The following HECW2 variants were observed in gnomAD, a reference collection of about 807,000 sequenced individuals.
HECW2 encodes E3 ubiquitin-protein ligase HECW2.
In HECW2, 61 loss-of-function variants were observed where a neutral mutation model predicts 175.2. The observed-to-expected ratio is 0.35, with a 90% CI of 0.28 to 0.43. HECW2 has a LOEUF of 0.43. Among genes scored for constraint, HECW2 ranks in the 20% least tolerant of loss-of-function variants. The pLI, the probability that HECW2 is intolerant of heterozygous loss-of-function variation, is 1.00. For synonymous variants in HECW2, 671 were observed against 731.0 expected (o/e 0.92, Z 1.32); for missense variants, 1,524 against 2,000.5 (o/e 0.76, Z 4.54).
At chr2:196,313,216 T>C (rs568543483) in intron 10 of HECW2, among the ~76,000 whole-genome samples, 8 of 152,190 alleles carry the variant, frequency 5.3e-5, no homozygotes, top group African/African-American at 1.9e-4. Flanking sequence ...AAAAAGAAAA[T>C]AGTTTTTCAG....
In HECW2 at chr2:196,373,293, T is replaced by A. The variant is rs868631767; in HGVS notation, c.293-29529A>T. ...CTTTGTTTGTAATTCAAGTAACATCTTTGGAGAAAAAGAATTGCCTGTTTT... is the reference window on the plus strand; with the variant it reads ...CTTTGTTTGTAATTCAAGTAACATCATTGGAGAAAAAGAATTGCCTGTTTT... On this transcript the variant is annotated intron_variant, in intron 2 of 28. Coordinates refer to ENST00000644978, the MANE Select transcript of HECW2 (RefSeq NM_001348768.2). 4.6e-5 allele frequency among the ~76,000 whole-genome samples: 7 copies of A among 152,354 alleles called. No homozygotes were observed. The South Asian group carries it at 1.5e-3, about 32-fold the overall frequency.
intron 4 of HECW2, among the ~76,000 whole-genome samples, chr2:196,332,274 G>GT (rs1303288433): frequency 6.6e-6 from 1 of 152,176 alleles, no homozygotes; most frequent in Admixed American, 6.5e-5. Flanking sequence ...TATCAAGGAT[G>GT]TTAATCAGTC....
chr2:196,314,575 C>CA (rs1211077837), intron 10 of HECW2, among the ~76,000 whole-genome samples: 1 of 152,140 alleles, frequency 6.6e-6, no homozygotes, highest in Admixed American at 6.5e-5. Context: ...TCAGTTTCTG[C>CA]AACTATAAAA....
At chr2:196,329,027 A>T (rs1292694719) in intron 5 of HECW2, among the ~76,000 whole-genome samples, 1 of 152,142 alleles carries the variant, frequency 6.6e-6, no homozygotes, top group Non-Finnish European at 1.5e-5. Flanking sequence ...ACTGATTTTA[A>T]CTAAATCAAA....
intron 15 of HECW2, among the ~76,000 whole-genome samples, chr2:196,275,657 C>G (rs899769939): frequency 6.6e-6 from 1 of 151,748 alleles, no homozygotes; most frequent in African/African-American, 2.4e-5. Flanking sequence ...GAGGCTGAGG[C>G]AGGAGAATCT....
At position 196,519,138 on chromosome 2, in the gene HECW2, T is replaced by C. The variant is rs140364978; in HGVS notation, c.-36+74370A>G. On this transcript the variant is annotated intron_variant, in intron 1 of 28. Transcript: ENST00000644978. ...TCACCTTCAGCTCTCTGAGGAGGTA[T>C]TTATCACTACCTCCATGCTATAGGT... Among the ~76,000 whole-genome samples, 11 of 152,320 alleles carry C rather than the reference T, an allele frequency of 7.2e-5. No homozygotes were observed. In the East Asian group the frequency reaches 2.1e-3, roughly 29 times the overall value.
At chr2:196,423,873 T>C (rs955142556) in intron 2 of HECW2, among the ~76,000 whole-genome samples, 7 of 152,186 alleles carry the variant, frequency 4.6e-5, no homozygotes, top group East Asian at 1.9e-4. Context: ...ATAAGTGGGA[T>C]TGCTGGGTCA....
At chr2:196,258,291 G>T (rs969452875) in intron 17 of HECW2, among the ~76,000 whole-genome samples, 1 of 152,178 alleles carries the variant, frequency 6.6e-6, no homozygotes, top group African/African-American at 2.4e-5. Flanking sequence ...TCCAAAAAGG[G>T]ATTGTGTTGG....
At chr2:196,347,367 G>T (rs1378531242) in intron 2 of HECW2, among the ~76,000 whole-genome samples, 1 of 151,752 alleles carries the variant, frequency 6.6e-6, no homozygotes, top group South Asian at 2.1e-4. Flanking sequence ...GCTAATTTTT[G>T]TATTTTTCAA....
intron 2 of HECW2, among the ~76,000 whole-genome samples, chr2:196,382,132 T>TG: frequency 6.6e-6 from 1 of 152,084 alleles, no homozygotes; most frequent in Non-Finnish European, 1.5e-5. Context: ...TTTTTTATAT[T>TG]AAAAGAGGTG....
chr2:196,491,990 A>C (rs985438407), intron 1 of HECW2, among the ~76,000 whole-genome samples: 2 of 152,216 alleles, frequency 1.3e-5, no homozygotes, highest in African/African-American at 4.8e-5. Context: ...AATTTTGTAA[A>C]AATTTTTTTC....
At chr2:196,519,862 G>A (rs978245344) in intron 1 of HECW2, among the ~76,000 whole-genome samples, 2 of 152,312 alleles carry the variant, frequency 1.3e-5, no homozygotes, top group South Asian at 4.1e-4. Context: ...TGCTCCAGGG[G>A]TAATCAACTG....
intron 2 of HECW2, among the ~76,000 whole-genome samples, chr2:196,361,420 A>C (rs1693582921): frequency 6.6e-6 from 1 of 152,198 alleles, no homozygotes; most frequent in Admixed American, 6.5e-5. Context: ...TTTGTCAAAA[A>C]CCATGATTAT....
At chr2:196,395,233 C>T (rs958010111) in intron 2 of HECW2, among the ~76,000 whole-genome samples, 3 of 152,092 alleles carry the variant, frequency 2.0e-5, no homozygotes, top group African/African-American at 7.2e-5. Flanking sequence ...AGGACTTAAA[C>T]ATAGAGCTAA....
intron 2 of HECW2, among the ~76,000 whole-genome samples, chr2:196,387,712 A>C (rs1289887672): frequency 1.3e-5 from 2 of 152,168 alleles, no homozygotes. Context: ...AGATATATAT[A>C]TCTCCAGGGA....
chr2:196,437,327 A>C (rs1002993401), intron 1 of HECW2, among the ~76,000 whole-genome samples: 1 of 152,006 alleles, frequency 6.6e-6, no homozygotes, highest in Non-Finnish European at 1.5e-5. Flanking sequence ...GAAACCATGC[A>C]CCAGCCGGGC....
At chr2:196,359,164 T>G (rs142180526) in intron 2 of HECW2, among the ~76,000 whole-genome samples, 182 of 152,290 alleles carry the variant, frequency 1.2e-3, no homozygotes, top group African/African-American at 4.1e-3. Context: ...AAACATACCA[T>G]GCAGGCCAGG....
intron 2 of HECW2, among the ~76,000 whole-genome samples, chr2:196,420,825 A>T (rs1695388677): frequency 6.6e-6 from 1 of 152,146 alleles, no homozygotes; most frequent in African/African-American, 2.4e-5. Context: ...TTTGTTACAT[A>T]GAATATGTCT....
chr2:196,581,563 A>G (rs935794670), intron 1 of HECW2, among the ~76,000 whole-genome samples: 1 of 152,106 alleles, frequency 6.6e-6, no homozygotes, highest in Non-Finnish European at 1.5e-5. Flanking sequence ...GATAAAAATA[A>G]TAAGTACTGA....
Sources: allele counts gnomAD v4.1 joint callset (sites outside exome capture counted in the v4.1 genomes callset), GRCh38; gene constraint gnomAD v4.1.1; transcripts MANE v1.5; gene names NCBI Gene and HGNC (gene_info 2026-07-23, HGNC 2026-07-21).